DCDC2C: variants seen among roughly 807,000 people sequenced by gnomAD.
DCDC2C encodes doublecortin domain containing 2C.
A neutral mutation model predicts 45.0 loss-of-function variants in DCDC2C; 44 were observed. The ratio of observed to expected loss-of-function variants is 0.98; its 90% CI spans 0.77 to 1.26. The LOEUF (loss-of-function observed/expected upper bound fraction) is 1.26, where lower values mean the gene tolerates loss of function less well. Ranked by LOEUF, DCDC2C falls within the 50% of genes most tolerant of loss-of-function variation. DCDC2C has a pLI of 0.00. For synonymous variants in DCDC2C, 187 were observed against 178.8 expected, an observed-to-expected ratio of 1.05 and a Z score of -0.37; for missense variants, 447 against 468.9, an observed-to-expected ratio of 0.95 and a Z score of 0.43.
At chr2:3,802,070 A>G (rs1671128870) in intron 10 of DCDC2C, among the ~76,000 whole-genome samples, 1 of 152,200 alleles carries the variant, frequency 6.6e-6, no homozygotes, top group Admixed American at 6.5e-5. Context: ...GAAAGAGGTC[A>G]TTTGTTTTTC....
At chr2:3,816,531 C>T (rs543557038) in intron 10 of DCDC2C, among the ~76,000 whole-genome samples, 38 of 152,124 alleles carry the variant, frequency 2.5e-4, no homozygotes, top group African/African-American at 8.0e-4. Context: ...GGATTAGAAA[C>T]GGCTAGGAGA....
chr2:3,712,775 A>G (rs1348451908), intron 2 of DCDC2C, among the ~76,000 whole-genome samples: 2 of 152,318 alleles, frequency 1.3e-5, no homozygotes, highest in Non-Finnish European at 2.9e-5. Context: ...ATGTGACCAT[A>G]TTCACATAGC....
At chr2:3,749,462 C>A (rs1669473021) in intron 4 of DCDC2C, among the ~76,000 whole-genome samples, 1 of 152,226 alleles carries the variant, frequency 6.6e-6, no homozygotes, top group Admixed American at 6.5e-5. Flanking sequence ...ATCTGAACAT[C>A]ACATACAGGC....
chr2:3,809,651 C>T (rs151009027), intron 10 of DCDC2C, among the ~76,000 whole-genome samples: 1 of 152,062 alleles, frequency 6.6e-6, no homozygotes, highest in Non-Finnish European at 1.5e-5. Flanking sequence ...AAATGGGATA[C>T]ATGTGCAGAA....
chr2:3,748,378 G>A (rs1669436674), intron 4 of DCDC2C, among the ~76,000 whole-genome samples: 1 of 143,688 alleles, frequency 7.0e-6, no homozygotes, highest in African/African-American at 2.6e-5. Context: ...GGTGGGGAGT[G>A]TGTGGTGGGG....
intron 10 of DCDC2C, among the ~76,000 whole-genome samples, chr2:3,797,116 G>A (rs1282418988): frequency 2.0e-5 from 3 of 152,156 alleles, no homozygotes; most frequent in Non-Finnish European, 4.4e-5. Flanking sequence ...ATGTGTCGAG[G>A]AATTTATCCA....
At chr2:3,707,306 G>T (rs1668089494) in intron 1 of DCDC2C, among the ~76,000 whole-genome samples, 1 of 151,942 alleles carries the variant, frequency 6.6e-6, no homozygotes, top group African/African-American at 2.4e-5. Context: ...TTATTTTTTG[G>T]TTCCATGTAA....
intron 6 of DCDC2C, among the ~76,000 whole-genome samples, chr2:3,759,570 G>A (rs1326022595): frequency 6.6e-6 from 1 of 152,200 alleles, no homozygotes; most frequent in East Asian, 1.9e-4. Flanking sequence ...GGATTCCAGG[G>A]ATGGCGGGAG....
At chr2:3,806,114 G>A (rs1671237184) in intron 10 of DCDC2C, among the ~76,000 whole-genome samples, 1 of 152,214 alleles carries the variant, frequency 6.6e-6, no homozygotes, top group South Asian at 2.1e-4. Flanking sequence ...GGGTTTACAA[G>A]TGTGAGCCAC....
At chr2:3,821,303 G>A (rs1671682580) in intron 10 of DCDC2C, among the ~76,000 whole-genome samples, 1 of 152,184 alleles carries the variant, frequency 6.6e-6, no homozygotes, top group Non-Finnish European at 1.5e-5. Flanking sequence ...CAGGTCACAG[G>A]GGATATGATG....
intron 10 of DCDC2C, among the ~76,000 whole-genome samples, chr2:3,835,223 C>T (rs1317998723): frequency 6.6e-6 from 1 of 152,174 alleles, no homozygotes; most frequent in Non-Finnish European, 1.5e-5. Flanking sequence ...GGGGCGTTCC[C>T]TTACTTTTAA....
chr2:3,747,891 A>G (rs551393605), intron 4 of DCDC2C, among the ~76,000 whole-genome samples: 1 of 152,298 alleles, frequency 6.6e-6, no homozygotes, highest in East Asian at 1.9e-4. Context: ...GAAGCAGGGC[A>G]GGGCTTGCGG....
intron 10 of DCDC2C, among the ~76,000 whole-genome samples, chr2:3,791,888 A>G (rs1670821129): frequency 6.6e-6 from 1 of 152,178 alleles, no homozygotes; most frequent in South Asian, 2.1e-4. Flanking sequence ...ATTCAAACTT[A>G]TTTTTGACCT....
chr2:3,791,943 G>A (rs1670823425), intron 10 of DCDC2C, among the ~76,000 whole-genome samples: 2 of 152,146 alleles, frequency 1.3e-5, no homozygotes, highest in South Asian at 4.2e-4. Flanking sequence ...CGGTGTTCAG[G>A]GAGCACCCAA....
At chr2:3,826,227 C>G (rs1373002091) in intron 10 of DCDC2C, among the ~76,000 whole-genome samples, 1 of 152,184 alleles carries the variant, frequency 6.6e-6, no homozygotes, top group African/African-American at 2.4e-5. Context: ...CCATCCACCA[C>G]CTCCTCCTTG....
At chr2:3,836,830 C>T (rs1672089104) in intron 10 of DCDC2C, among the ~76,000 whole-genome samples, 1 of 148,298 alleles carries the variant, frequency 6.7e-6, no homozygotes, top group Admixed American at 6.7e-5. Flanking sequence ...CCACTGCACT[C>T]CAGCCTGGGC....
chr2:3,745,965 G>C (rs1427192583), intron 4 of DCDC2C, among the ~76,000 whole-genome samples: 5 of 152,084 alleles, frequency 3.3e-5, no homozygotes, highest in African/African-American at 1.2e-4. Context: ...TGATTTATTG[G>C]ATAGTTTGAA....
At chr2:3,742,544 A>G (rs965523164) in intron 4 of DCDC2C, among the ~76,000 whole-genome samples, 1 of 151,698 alleles carries the variant, frequency 6.6e-6, no homozygotes, top group African/African-American at 2.4e-5. Flanking sequence ...CGTGGAGCAA[A>G]TCTCCTCTCC....
At chr2:3,780,107 G>A (rs965895363) in intron 9 of DCDC2C, among the ~76,000 whole-genome samples, 8 of 152,158 alleles carry the variant, frequency 5.3e-5, no homozygotes, top group African/African-American at 1.7e-4. Flanking sequence ...ACTGTCAGAC[G>A]AAGAGCAAAG....
Sources: gnomAD v4.1 joint callset for allele counts (sites outside exome capture counted in the v4.1 genomes callset) on GRCh38, gnomAD v4.1.1 for gene constraint, MANE v1.5 for transcripts, NCBI Gene and HGNC (gene_info 2026-07-23, HGNC 2026-07-21) for gene names.